The following TTLL5 variants were observed in gnomAD, a reference collection of about 807,000 sequenced individuals.
The protein encoded by TTLL5 is tubulin polyglutamylase TTLL5.
In TTLL5, 132 loss-of-function variants were observed where a neutral mutation model predicts 168.4. That is an observed-to-expected ratio of 0.78 (90% CI 0.68 to 0.91). The LOEUF is 0.91. TTLL5 is among the 40% of genes least tolerant of loss of function. The probability of loss-of-function intolerance (pLI) is 0.00; values close to 1 mark genes in which losing one functional copy is unlikely to be tolerated. For synonymous variants in TTLL5, 546 were observed against 558.6 expected, an observed-to-expected ratio of 0.98 and a Z score of 0.32; for missense variants, 1,545 against 1,581.5, an observed-to-expected ratio of 0.98 and a Z score of 0.39.
At chr14:75,718,414 T>C (rs554665691) in intron 10 of TTLL5, among the ~76,000 whole-genome samples, 2 of 152,330 alleles carry the variant, frequency 1.3e-5, no homozygotes, top group East Asian at 3.9e-4. Context: ...GAATGTTCAT[T>C]ACCATGTATT....
chr14:75,695,953 G>A (rs987239647), intron 6 of TTLL5, among the ~76,000 whole-genome samples: 5 of 148,790 alleles, frequency 3.4e-5, no homozygotes, highest in Admixed American at 6.8e-5. Context: ...CCAGGCTGTG[G>A]TAATCATAGC....
chr14:75,846,268 T>G (rs1595140831), intron 28 of TTLL5, among the ~76,000 whole-genome samples: 1 of 152,182 alleles, frequency 6.6e-6, no homozygotes, highest in Non-Finnish European at 1.5e-5. Flanking sequence ...ATGGTTGTTT[T>G]AGTTGGTGGG....
intron 31 of TTLL5, among the ~76,000 whole-genome samples, chr14:75,906,856 T>C (rs2033168105): frequency 1.3e-5 from 2 of 152,182 alleles, no homozygotes. Flanking sequence ...GAGCTCCAAA[T>C]AGTTTGCTCC....
intron 28 of TTLL5, among the ~76,000 whole-genome samples, chr14:75,848,959 T>A (rs898599131): frequency 2.0e-5 from 3 of 152,208 alleles, no homozygotes; most frequent in African/African-American, 7.2e-5. Flanking sequence ...CCATTGATCA[T>A]GGAGTGGTAG....
In TTLL5 at chr14:75,943,488, GC is replaced by G. The variant is rs533929556; in HGVS notation, c.3824-10935del. The stretch of plus-strand genomic sequence containing the variant: ...CTCCCCTGGTAATTTATAACCACAA[GC>G]TGGACCCCTTGTAAGCTTGGGCATG... On this transcript the variant is annotated intron_variant, in intron 31 of 31. Transcript: ENST00000298832. Among the ~76,000 whole-genome samples, 1,121 of 152,262 alleles carry G rather than the reference GC, an allele frequency of 7.4e-3. 15 individuals carry two copies. The highest frequency in any genetic ancestry group is 0.025 in the African/African-American group (1,042 of 41,548).
At position 75,864,913 on chromosome 14, in the gene TTLL5, T is replaced by G. The variant is rs187827192; in HGVS notation, c.3522+1051T>G. 2.1e-3 allele frequency among the ~76,000 whole-genome samples: 316 copies of G among 152,300 alleles called. 2 individuals are homozygous for G. The highest frequency in any genetic ancestry group is 7.0e-3 in the African/African-American group (292 of 41,554). ...AAACAATTATTATTATAGTCTGTCT[T>G]ATCTTTTCAACTACCACCCATAATA... On this transcript the variant is annotated intron_variant, in intron 29 of 31. Transcript: ENST00000298832.
chr14:75,724,358 C>G (rs911658398), intron 12 of TTLL5, among the ~76,000 whole-genome samples: 1 of 152,134 alleles, frequency 6.6e-6, no homozygotes, highest in South Asian at 2.1e-4. Context: ...AGCCTTTCGG[C>G]AGTGTATTAC....
intron 12 of TTLL5, among the ~76,000 whole-genome samples, chr14:75,728,803 T>C (rs2140225565): frequency 6.6e-6 from 1 of 152,050 alleles, no homozygotes; most frequent in South Asian, 2.1e-4. Flanking sequence ...CCATTGAATA[T>C]CTGGGTAGAA....
At chr14:75,700,004 C>A (rs956104203) in intron 7 of TTLL5, among the ~76,000 whole-genome samples, 2 of 152,148 alleles carry the variant, frequency 1.3e-5, no homozygotes, top group South Asian at 4.1e-4. Flanking sequence ...CTCCCTTGCA[C>A]ATTTGTTTGA....
intron 28 of TTLL5, among the ~76,000 whole-genome samples, chr14:75,862,528 G>T (rs760572722): frequency 6.6e-6 from 1 of 152,140 alleles, no homozygotes; most frequent in Admixed American, 6.5e-5. Context: ...TAGCCAAATG[G>T]GAATGAAGTA....
rs1343709974 is a variant in TTLL5 at position 75,717,978 on chromosome 14, G to C, written c.842+16G>C. On this transcript the variant is annotated intron_variant, in intron 10 of 31. Transcript: ENST00000298832. ...ATTACGTCAGGTACTGGCTGTGTCT[G>C]AGCCAGAAGTCAGAGGTGTCAGTCT... is the stretch of plus-strand genomic sequence containing the variant. 2 of 1,609,784 alleles carry C rather than the reference G, an allele frequency of 1.2e-6. No individual in the cohort carries two copies. The highest frequency in any genetic ancestry group is 1.7e-6 in the Non-Finnish European group (2 of 1,177,564).
intron 27 of TTLL5, among the ~76,000 whole-genome samples, chr14:75,817,591 G>A (rs1010486960): frequency 6.6e-6 from 1 of 151,364 alleles, no homozygotes; most frequent in Non-Finnish European, 1.5e-5. Context: ...GAATTTTTAG[G>A]GAAAAAAAAT....
chr14:75,773,686 C>T (rs778628358), intron 21 of TTLL5, among the ~76,000 whole-genome samples: 5 of 151,142 alleles, frequency 3.3e-5, no homozygotes, highest in African/African-American at 9.7e-5. Flanking sequence ...GTCAGGAGTT[C>T]GAAACCAGCC....
intron 7 of TTLL5, among the ~76,000 whole-genome samples, chr14:75,700,304 G>T (rs1886175228): frequency 6.6e-6 from 1 of 152,192 alleles, no homozygotes; most frequent in Non-Finnish European, 1.5e-5. Flanking sequence ...CCAGGGAAAG[G>T]CAGGCACCTG....
intron 31 of TTLL5, among the ~76,000 whole-genome samples, chr14:75,936,993 A>G (rs1253741528): frequency 6.6e-6 from 1 of 152,224 alleles, no homozygotes; most frequent in African/African-American, 2.4e-5. Flanking sequence ...TTTATATAAC[A>G]CTGGAGCAGA....
intron 14 of TTLL5, among the ~76,000 whole-genome samples, chr14:75,734,875 C>CT (rs374239282): frequency 2.0e-5 from 3 of 152,200 alleles, no homozygotes; most frequent in African/African-American, 7.2e-5. Context: ...TTATTAACAA[C>CT]TGTGTGTTTT....
At chr14:75,952,760 G>A (rs773261927) in intron 31 of TTLL5, among the ~76,000 whole-genome samples, 7 of 152,168 alleles carry the variant, frequency 4.6e-5, no homozygotes, top group African/African-American at 7.2e-5. Flanking sequence ...AGCCAGTCCC[G>A]AAGGATCATT....
chr14:75,847,399 G>T (rs1896604587), intron 28 of TTLL5, among the ~76,000 whole-genome samples: 1 of 151,874 alleles, frequency 6.6e-6, no homozygotes, highest in South Asian at 2.1e-4. Context: ...CTTTCTCTTG[G>T]TTTGTGAGAA....
chr14:75,719,173 A>G (rs757164186), intron 10 of TTLL5, among the ~76,000 whole-genome samples: 2 of 151,746 alleles, frequency 1.3e-5, no homozygotes, highest in African/African-American at 4.8e-5. Context: ...ACTCCAGTGC[A>G]CTCTCCCTTC....
Sources: allele counts gnomAD v4.1 joint callset (sites outside exome capture counted in the v4.1 genomes callset), GRCh38; gene constraint gnomAD v4.1.1; transcripts MANE v1.5; gene names NCBI Gene and HGNC (gene_info 2026-07-23, HGNC 2026-07-21).